The following PCDHGA10 variants were observed in gnomAD, a reference collection of about 807,000 sequenced individuals.
PCDHGA10 encodes protocadherin gamma-A10.
A neutral mutation model predicts 59.5 loss-of-function variants in PCDHGA10; 42 were observed. The ratio of observed to expected loss-of-function variants is 0.71; its 90% confidence interval spans 0.55 to 0.91. The LOEUF (loss-of-function observed/expected upper bound fraction) is 0.91, where lower values mean the gene tolerates loss of function less well. PCDHGA10 is among the 40% of genes least tolerant of loss of function. The pLI, the probability that PCDHGA10 is intolerant of heterozygous loss-of-function variation, is 0.00. For synonymous variants in PCDHGA10, 511 were observed against 517.2 expected, an observed-to-expected ratio of 0.99 and a Z score of 0.16; for missense variants, 1,111 against 1,198.2, an observed-to-expected ratio of 0.93 and a Z score of 1.07.
chr5:141,473,665 T>C (rs1054239218), intron 1 of PCDHGA10, among the ~76,000 whole-genome samples: 1 of 152,142 alleles, frequency 6.6e-6, no homozygotes, highest in Non-Finnish European at 1.5e-5. Context: ...GTGAAGGCCC[T>C]GAGACAGGGA....
chr5:141,437,741 CTTT>C (rs35124340), intron 1 of PCDHGA10, among the ~76,000 whole-genome samples: 1 of 141,708 alleles, frequency 7.1e-6, no homozygotes. Context: ...TTGAGTTCAC[CTTT>C]TTTTTTTTTT....
chr5:141,415,980 T>C, intron 1 of PCDHGA10: 1 of 348,656 alleles, frequency 2.9e-6, no homozygotes, highest in Non-Finnish European at 4.8e-6. Context: ...TAAGCAACCC[T>C]CTTGTTCTGA....
rs777535962 is a variant in PCDHGA10, at chr5:141,431,195, G to T, written c.2436+15584G>T. The T allele has an allele frequency of 1.2e-6, 2 of 1,614,166 alleles. No homozygotes were observed. Among genetic ancestry groups the T allele is most frequent in the East Asian group, 2.2e-5 (1 of 44,890 alleles). On this transcript the variant is annotated intron_variant, in intron 1 of 3. Transcript: ENST00000398610. The surrounding 1 kb of genome is among the most constrained non-coding windows in gnomAD (Gnocchi z 4.8). ...ATTAGAAATAAAAATTAGTGAAAAT[G>T]CAGCCACTGAGATGCGGTTCCCTCT... is the stretch of plus-strand genomic sequence containing the variant.
Position 141,418,176 on chromosome 5 carries a change from T to G in PCDHGA10, c.2436+2565T>G, listed in dbSNP as rs1197334192. 1 of 1,614,078 alleles carries G rather than the reference T, an allele frequency of 6.2e-7. No individual in the cohort carries two copies. Among genetic ancestry groups the G allele is most frequent in the Non-Finnish European group, 8.5e-7 (1 of 1,179,908 alleles). On this transcript the variant is annotated intron_variant, in intron 1 of 3. Coordinates refer to ENST00000398610, the MANE Select transcript of PCDHGA10 (RefSeq NM_018913.3). ...GAGAGAAGAAGATGTGAGTTGCAAT[T>G]GGAAGCTGTGGTGGAAAATCCTTTA...
chr5:141,486,967 G>C lies in PCDHGA10; in HGVS notation c.2437-7840G>C. The C allele has an allele frequency of 6.2e-7, 1 of 1,614,202 alleles. No homozygotes were observed. Among genetic ancestry groups the C allele is most frequent in the Non-Finnish European group, 8.5e-7 (1 of 1,180,032 alleles). ...TCACAAAGGTGACTGCTGTGGACTT[G>C]GATTCAGGTTACAATGCTTGGGTTT... On this transcript the variant is annotated intron_variant, in intron 1 of 3. Transcript: ENST00000398610. The surrounding 1 kb of genome is among the most constrained non-coding windows in gnomAD (Gnocchi z 5.0).
chr5:141,489,546 C>T lies in PCDHGA10; in HGVS notation c.2437-5261C>T, dbSNP rs1404605129. ...GCCTATGTGGAGCCAGCACCAGCTGCCTGCTGCCAGTGCAGGTGGTGACTG... is the reference window on the plus strand; with the variant it reads ...GCCTATGTGGAGCCAGCACCAGCTGTCTGCTGCCAGTGCAGGTGGTGACTG... On this transcript the variant is annotated intron_variant, in intron 1 of 3. Coordinates refer to ENST00000398610, the MANE Select transcript of PCDHGA10 (RefSeq NM_018913.3). The surrounding 1 kb of genome is among the most constrained non-coding windows in gnomAD (Gnocchi z 4.5). 2 of 1,614,076 alleles carry T rather than the reference C, an allele frequency of 1.2e-6. No homozygotes were observed. The highest frequency in any genetic ancestry group is 2.2e-5 in the East Asian group (1 of 44,868).
In PCDHGA10 at chr5:141,505,414, C is replaced by T. The variant is rs373956550; in HGVS notation, c.2517C>T (p.Thr839=). The T allele has an allele frequency of 3.0e-5, 48 of 1,614,046 alleles. No homozygotes were observed. In the African/African-American group the frequency reaches 3.1e-4, roughly 10 times the overall value. The change falls in exon 3 of 4, where the codon ACC becomes ACT. Residue 839 remains threonine (T), a synonymous_variant. Transcript: ENST00000398610. ...CCAGCTCCCAAAATGGCGATGACACCGGCACCTGGCCCAACAACCAGTTTG... is the reference window on the plus strand; with the variant it reads ...CCAGCTCCCAAAATGGCGATGACACTGGCACCTGGCCCAACAACCAGTTTG... ...GTSGSQNGDD[T]GTWPNNQFDT...
Position 141,432,442 on chromosome 5 carries a change from G to A in PCDHGA10, c.2436+16831G>A. 1 of 1,614,228 alleles carries A rather than the reference G, an allele frequency of 6.2e-7. No individual in the cohort carries two copies. Among genetic ancestry groups the A allele is most frequent in the Non-Finnish European group, 8.5e-7 (1 of 1,180,042 alleles). On this transcript the variant is annotated intron_variant, in intron 1 of 3. Transcript: ENST00000398610. The surrounding 1 kb of genome is among the most constrained non-coding windows in gnomAD (Gnocchi z 6.0). ...TGGACCAGAACGACAATGCGCCCGA[G>A]ATCCTGTACCCCGCCCTCCCCACGG...
At chr5:141,435,383 G>C (rs1057246190) in intron 1 of PCDHGA10, among the ~76,000 whole-genome samples, 4 of 151,898 alleles carry the variant, frequency 2.6e-5, no homozygotes, top group Admixed American at 2.0e-4. Flanking sequence ...ACAATATACC[G>C]TATTGCCATG....
At chr5:141,461,592 A>G (rs777372149) in intron 1 of PCDHGA10, among the ~76,000 whole-genome samples, 4 of 152,148 alleles carry the variant, frequency 2.6e-5, no homozygotes, top group African/African-American at 2.4e-5. Flanking sequence ...TTATATTTCC[A>G]TTATAATTTA....
chr5:141,460,157 C>T (rs1388985005), intron 1 of PCDHGA10, among the ~76,000 whole-genome samples: 1 of 151,968 alleles, frequency 6.6e-6, no homozygotes, highest in Admixed American at 6.6e-5. Context: ...CTCTTTGTCA[C>T]ATACATATTT....
Position 141,413,526 on chromosome 5 carries a change from G to T in PCDHGA10, c.351G>T (p.Arg117Ser). ...VVSFNILVED[R>S]VKLFGIEIEV... Reference sequence around the variant, plus strand: ...GTTTTAATATCCTTGTGGAAGACAGGGTGAAACTTTTTGGGATAGAAATAG... The same window carrying T: ...GTTTTAATATCCTTGTGGAAGACAGTGTGAAACTTTTTGGGATAGAAATAG... Residue 117 changes from arginine to serine, a missense_variant, in exon 1 of 4, where the codon AGG (arginine) becomes AGT (serine). Physicochemically the swap from Arg to Ser is moderately radical, Grantham distance 110. Coordinates refer to ENST00000398610, the MANE Select transcript of PCDHGA10 (RefSeq NM_018913.3). 1 of 1,613,936 alleles carries T rather than the reference G, an allele frequency of 6.2e-7. No individual in the cohort carries two copies. Among genetic ancestry groups the T allele is most frequent in the Non-Finnish European group, 8.5e-7 (1 of 1,179,906 alleles).
Position 141,478,335 on chromosome 5 carries a change from C to T in PCDHGA10, c.2437-16472C>T, listed in dbSNP as rs202213361. On this transcript the variant is annotated intron_variant, in intron 1 of 3. Coordinates refer to ENST00000398610, the MANE Select transcript of PCDHGA10 (RefSeq NM_018913.3). ...AGCTCACTGTACCGAACACCAGGGC[C>T]CTCCTTGCACGCGGACGCCGTGCGG... 4.7e-5 allele frequency: 76 copies of T among 1,613,822 alleles called. No individual in the cohort carries two copies. The highest frequency in any genetic ancestry group is 6.1e-5 in the Non-Finnish European group (72 of 1,180,028).
rs780578882 is a variant in PCDHGA10 at position 141,486,578 on chromosome 5, C to T, written c.2437-8229C>T. On this transcript the variant is annotated intron_variant, in intron 1 of 3. Coordinates refer to ENST00000398610, the MANE Select transcript of PCDHGA10 (RefSeq NM_018913.3). This position sits in a 1 kb window ranked among gnomAD's most constrained non-coding sequence, Gnocchi z 5.0. ...TGAGGTGTTTGTTCCTGAGAACAAT[C>T]GCCCAGGGGACCTGCTTTGCTCCCT... 1.6e-5 allele frequency: 26 copies of T among 1,613,728 alleles called. No homozygotes were observed. The highest frequency in any genetic ancestry group is 2.2e-5 in the South Asian group (2 of 91,072).
chr5:141,443,820 T>C (rs1329478151), intron 1 of PCDHGA10, among the ~76,000 whole-genome samples: 1 of 151,986 alleles, frequency 6.6e-6, no homozygotes. Flanking sequence ...TTGGAAAACA[T>C]AATTAGGTAA....
chr5:141,476,521 C>T lies in PCDHGA10; in HGVS notation c.2437-18286C>T. On this transcript the variant is annotated intron_variant, in intron 1 of 3. Transcript: ENST00000398610. The surrounding 1 kb of genome is among the most constrained non-coding windows in gnomAD (Gnocchi z 7.6). ...ACATCAACGACAACAATCCTGCTTT[C>T]CCTACCCAGGAAATGAAATTGGAGA... 4 of 1,614,214 alleles carry T rather than the reference C, an allele frequency of 2.5e-6. No homozygotes were observed. The highest frequency in any genetic ancestry group is 3.4e-6 in the Non-Finnish European group (4 of 1,180,036).
chr5:141,468,598 G>A (rs1250884127), intron 1 of PCDHGA10: 1 of 152,228 alleles, frequency 6.6e-6, no homozygotes, highest in African/African-American at 2.4e-5. Context: ...TGGGCGCGGT[G>A]GCTCACGCCT....
chr5:141,511,403 A>C lies in PCDHGA10; in HGVS notation c.*230A>C. On this transcript the variant is annotated 3_prime_UTR_variant, in exon 4 of 4. Coordinates refer to ENST00000398610, the MANE Select transcript of PCDHGA10 (RefSeq NM_018913.3). Reference sequence around the variant, plus strand: ...TCCGCTGGGAACCCCCATCCAATCAACTGCTGTACCCATGGGGGTAGTGGG... The same window carrying C: ...TCCGCTGGGAACCCCCATCCAATCACCTGCTGTACCCATGGGGGTAGTGGG... 8.5e-6 allele frequency: 8 copies of C among 939,018 alleles called. No individual in the cohort carries two copies. The highest frequency in any genetic ancestry group is 1.2e-5 in the Non-Finnish European group (8 of 650,834). The allele number at this position is 939,018 out of a possible 1,614,324, so 58.2% of individuals were successfully genotyped here. A position where few individuals can be genotyped will look rare whatever the true frequency, so the allele number is the denominator to read the frequency against.
At chr5:141,423,397 C>T (rs759822483) in intron 1 of PCDHGA10, 3 of 1,614,146 alleles carry the variant, frequency 1.9e-6, no homozygotes, top group East Asian at 2.2e-5. Context: ...GCATAAGTCA[C>T]GCCTGCTGCA....
Sources: allele counts gnomAD v4.1 joint callset (sites outside exome capture counted in the v4.1 genomes callset), GRCh38; gene constraint gnomAD v4.1.1; non-coding constraint Gnocchi (gnomAD v3.1); transcripts MANE v1.5; gene names NCBI Gene and HGNC (gene_info 2026-07-23, HGNC 2026-07-21).